Variants in CARF observed in about 807,000 individuals in gnomAD.
The protein encoded by CARF is calcium responsive transcription factor.
CARF carries 57 observed loss-of-function variants against 82.0 expected under a neutral mutation model. The observed-to-expected ratio is 0.70, with a 90% CI of 0.56 to 0.87. CARF has a LOEUF of 0.87. CARF is among the 40% of genes least tolerant of loss of function. The probability of loss-of-function intolerance (pLI) is 0.00; values close to 1 mark genes in which losing one functional copy is unlikely to be tolerated. For synonymous variants in CARF, 268 were observed against 290.1 expected (o/e 0.92, Z 0.77); for missense variants, 771 against 855.8 (o/e 0.90, Z 1.24).
intron 6 of CARF, 41 bp from the exon 7 acceptor site, chr2:202,953,964 C>T: frequency 6.5e-7 from 1 of 1,549,472 alleles, no homozygotes; most frequent in Non-Finnish European, 8.7e-7. Flanking sequence ...TGGTCTTATT[C>T]AAGATATTGA....
rs1464757098 is a variant in CARF, at chr2:202,987,695, T to C, written c.*4071T>C. The stretch of plus-strand genomic sequence containing the variant: ...ATGCTAAAGTGATTCCTGAGAAAAA[T>C]AATGTGTATGGTTAATATGGAAAAC... On this transcript the variant is annotated 3_prime_UTR_variant, in exon 17 of 17. Transcript: ENST00000438828. 1.3e-5 allele frequency among the ~76,000 whole-genome samples: 2 copies of C among 152,074 alleles called. No individual in the cohort carries two copies. Among genetic ancestry groups the C allele is most frequent in the Non-Finnish European group, 2.9e-5 (2 of 67,990 alleles).
intron 3 of CARF, among the ~76,000 whole-genome samples, chr2:202,939,883 T>C (rs1384628079): frequency 4.6e-5 from 7 of 151,932 alleles, no homozygotes; most frequent in Non-Finnish European, 1.0e-4. Context: ...AGAGACAGGA[T>C]CTCATTATGT....
chr2:202,946,905 G>A (rs72926782), intron 5 of CARF, among the ~76,000 whole-genome samples: 13,544 of 152,218 alleles, frequency 0.089, 741 homozygotes, highest in Non-Finnish European at 0.12. Context: ...TTAGAGGAAC[G>A]CAAATCAAAA....
chr2:202,951,771 G>A (rs72926786), intron 5 of CARF, among the ~76,000 whole-genome samples: 13,536 of 151,782 alleles, frequency 0.089, 739 homozygotes, highest in Non-Finnish European at 0.12. Context: ...ATGAACCATA[G>A]AGACTATATA....
chr2:202,974,519 T>G (rs2059945553), intron 13 of CARF, 23 bp downstream of exon 13: 1 of 1,567,640 alleles, frequency 6.4e-7, no homozygotes, highest in Admixed American at 2.1e-5. Flanking sequence ...CCATAATTCC[T>G]TATTACAGAG....
chr2:202,975,554 C>CCATGATCA, intron 13 of CARF, among the ~76,000 whole-genome samples: 1 of 152,182 alleles, frequency 6.6e-6, no homozygotes, highest in African/African-American at 2.4e-5. Context: ...TTGCAGTGAG[C>CCATGATCA]TGAGATAGCG....
At chr2:202,919,679 A>G (rs1690419340) in intron 2 of CARF, among the ~76,000 whole-genome samples, 1 of 152,210 alleles carries the variant, frequency 6.6e-6, no homozygotes, top group Non-Finnish European at 1.5e-5. Context: ...TTGTTAACCT[A>G]TCCAGAAAAA....
At chr2:202,918,526 G>A (rs1326460244) in intron 2 of CARF, among the ~76,000 whole-genome samples, 3 of 151,866 alleles carry the variant, frequency 2.0e-5, no homozygotes, top group African/African-American at 4.8e-5. Context: ...GCAAGACTCC[G>A]TCTCAAAACA....
chr2:202,935,033 C>T (rs984106823), intron 3 of CARF, among the ~76,000 whole-genome samples: 22 of 145,436 alleles, frequency 1.5e-4, no homozygotes, highest in African/African-American at 4.8e-4. Context: ...GTGGAGATTG[C>T]GCCACTGCAC....
chr2:202,940,180 T>C (rs554652413), intron 3 of CARF, among the ~76,000 whole-genome samples: 4 of 152,064 alleles, frequency 2.6e-5, no homozygotes, highest in African/African-American at 9.7e-5. Context: ...ATTACAGGCA[T>C]GCATCACTGT....
chr2:202,961,789 G>C (rs892530170), intron 9 of CARF: 5 of 310,678 alleles, frequency 1.6e-5, no homozygotes, highest in Non-Finnish European at 2.9e-5. Flanking sequence ...CTCTTAATTT[G>C]TATTGTGGGA....
At chr2:202,965,294 T>C in intron 9 of CARF, among the ~76,000 whole-genome samples, 1 of 152,190 alleles carries the variant, frequency 6.6e-6, no homozygotes, top group Middle Eastern at 3.2e-3. Context: ...CGGTGTGCTG[T>C]GTACTTATTG....
At chr2:202,974,665 G>T (rs1354887108) in intron 13 of CARF, among the ~76,000 whole-genome samples, 169 bp downstream of exon 13, 1 of 152,158 alleles carries the variant, frequency 6.6e-6, no homozygotes, top group Non-Finnish European at 1.5e-5. Context: ...TTGGGAGGCC[G>T]AGACGGGTGG....
intron 5 of CARF, among the ~76,000 whole-genome samples, chr2:202,949,516 TTTATTATTA>T (rs201031888): frequency 0.099 from 9,005 of 91,374 alleles, 345 homozygotes; most frequent in Admixed American, 0.12. Context: ...TTGTTATTTA[TTTATTATTA>T]TTATTATTAT....
chr2:202,970,184 G>T (rs2059729833), intron 11 of CARF, 122 bp downstream of exon 11: 6 of 867,498 alleles, frequency 6.9e-6, no homozygotes, highest in South Asian at 1.9e-5. Flanking sequence ...ATAAGGTAGA[G>T]ATATCAATAG....
At chr2:202,951,943 C>T (rs1439093123) in intron 5 of CARF, among the ~76,000 whole-genome samples, 2 of 151,966 alleles carry the variant, frequency 1.3e-5, no homozygotes, top group Admixed American at 1.3e-4. Flanking sequence ...AGTGATTCTC[C>T]TGCCTCAGCC....
intron 3 of CARF, among the ~76,000 whole-genome samples, chr2:202,939,678 TTTTTTTC>T (rs2058126130): frequency 1.4e-5 from 2 of 146,152 alleles, no homozygotes; most frequent in Non-Finnish European, 1.5e-5. Flanking sequence ...ACCCATTGCC[TTTTTTTC>T]TTTTTTTTTT....
chr2:202,952,556 A>C lies in CARF; in HGVS notation c.307-3A>C. 3 of 1,612,872 alleles carry C rather than the reference A, an allele frequency of 1.9e-6. No homozygotes were observed. The highest frequency in any genetic ancestry group is 2.5e-6 in the Non-Finnish European group (3 of 1,179,506). On this transcript the variant is annotated splice_region_variant and splice_polypyrimidine_tract_variant and intron_variant, in intron 5 of 16. Coordinates refer to ENST00000438828, the MANE Select transcript of CARF (RefSeq NM_024744.17). Reference sequence around the variant, plus strand: ...TTGATTTTTTTTTTTTAATGCTTCCAAGATGATCGTTGCCAGCCCAACAGA... The same window carrying C: ...TTGATTTTTTTTTTTTAATGCTTCCCAGATGATCGTTGCCAGCCCAACAGA...
Position 202,942,744 on chromosome 2 carries a change from T to A in CARF, c.83T>A (p.Leu28Gln). Reference sequence around the variant, plus strand: ...TTTTTTTTTTCCTTACAAAAGCATCTAATCTGTATGGACTCCAGGGATTCT... The same window carrying A: ...TTTTTTTTTTCCTTACAAAAGCATCAAATCTGTATGGACTCCAGGGATTCT... ...SKTSAQVFEH[L>Q]ICMDSRDSSF... is the part of the protein sequence containing the mutation. Residue 28 changes from leucine to glutamine, a missense_variant, in exon 5 of 17, where the codon CTA (leucine) becomes CAA (glutamine). Coordinates refer to ENST00000438828, the MANE Select transcript of CARF (RefSeq NM_024744.17). 1 of 1,601,158 alleles carries A rather than the reference T, an allele frequency of 6.2e-7. No homozygotes were observed. Among genetic ancestry groups the A allele is most frequent in the South Asian group, 1.1e-5 (1 of 88,540 alleles).
Sources: gnomAD v4.1 joint callset for allele counts (sites outside exome capture counted in the v4.1 genomes callset) on GRCh38, gnomAD v4.1.1 for gene constraint, MANE v1.5 for transcripts, NCBI Gene and HGNC (gene_info 2026-07-23, HGNC 2026-07-21) for gene names.